The following AGPAT3 variants were observed in gnomAD, a reference collection of about 807,000 sequenced individuals.
The protein encoded by AGPAT3 is 1-acyl-sn-glycerol-3-phosphate acyltransferase gamma.
AGPAT3 carries 5 observed loss-of-function variants against 47.3 expected under a neutral mutation model. The observed-to-expected ratio is 0.11, with a 90% CI of 0.06 to 0.22. AGPAT3 has a LOEUF of 0.22. AGPAT3 is among the 10% of genes least tolerant of loss of function. The probability of loss-of-function intolerance (pLI) is 1.00; values close to 1 mark genes in which losing one functional copy is unlikely to be tolerated. For synonymous variants in AGPAT3, 212 were observed against 208.3 expected, an observed-to-expected ratio of 1.02 and a Z score of -0.15; for missense variants, 315 against 493.0, an observed-to-expected ratio of 0.64 and a Z score of 3.42.
intron 5 of AGPAT3, 77 bp downstream of exon 5, chr21:43,969,356 T>A: frequency 6.4e-7 from 1 of 1,571,648 alleles, no homozygotes; most frequent in South Asian, 1.2e-5. Context: ...GCTGCCCACA[T>A]CCCAGGCTGG....
chr21:43,883,241 G>A lies in AGPAT3; in HGVS notation c.-112+17896G>A, dbSNP rs559441320. Among the ~76,000 whole-genome samples, 17 of 152,210 alleles carry A rather than the reference G, an allele frequency of 1.1e-4. No homozygotes were observed. The South Asian group carries it at 2.9e-3, about 26-fold the overall frequency. On this transcript the variant is annotated intron_variant, in intron 1 of 9. Transcript: ENST00000291572. ...ACACCCTTCTCCTTGAGCCTCAAGGGCCTCATGGCCTGGACCTCCGTGATC... is the reference window on the plus strand; with the variant it reads ...ACACCCTTCTCCTTGAGCCTCAAGGACCTCATGGCCTGGACCTCCGTGATC...
At position 43,961,836 on chromosome 21, in the gene AGPAT3, G is replaced by A. The variant is rs115168529; in HGVS notation, c.178+1977G>A. Among the ~76,000 whole-genome samples, 675 of 152,184 alleles carry A rather than the reference G, an allele frequency of 4.4e-3. 3 individuals carry two copies. Among genetic ancestry groups the A allele is most frequent in the African/African-American group, 0.016 (653 of 41,498 alleles). Reference sequence around the variant, plus strand: ...GGCTGGCCTGTAACCTTGTCTGCACGATCTCCTTCCAGTTCAGGAGCCGGT... The same window carrying A: ...GGCTGGCCTGTAACCTTGTCTGCACAATCTCCTTCCAGTTCAGGAGCCGGT... On this transcript the variant is annotated intron_variant, in intron 3 of 9. Transcript: ENST00000291572.
chr21:43,972,660 C>T (rs1329066168), intron 7 of AGPAT3, among the ~76,000 whole-genome samples: 1 of 152,222 alleles, frequency 6.6e-6, no homozygotes, highest in African/African-American at 2.4e-5. Context: ...CGTTGCTGCC[C>T]TTGGACTCTC....
chr21:43,963,578 C>T (rs2088978981), intron 3 of AGPAT3, among the ~76,000 whole-genome samples: 1 of 151,888 alleles, frequency 6.6e-6, no homozygotes, highest in Non-Finnish European at 1.5e-5. Flanking sequence ...GGCCTGGTGG[C>T]ACATGTCTAA....
rs894015105 is a variant in AGPAT3 at position 43,872,274 on chromosome 21, G to A, written c.-112+6929G>A. Among the ~76,000 whole-genome samples the A allele has an allele frequency of 2.6e-5, 4 of 151,248 alleles. No homozygotes were observed. In the South Asian group the frequency reaches 8.4e-4, roughly 32 times the overall value. ...CAGTTCACTGCAACCTCTGCCTCCC[G>A]GGTTCAAGTGATTTTCCTGCTTCAG... is the stretch of plus-strand genomic sequence containing the variant. On this transcript the variant is annotated intron_variant, in intron 1 of 9. Transcript: ENST00000291572.
At chr21:43,921,791 T>TC (rs2086899728) in intron 2 of AGPAT3, among the ~76,000 whole-genome samples, 1 of 151,998 alleles carries the variant, frequency 6.6e-6, no homozygotes, top group Admixed American at 6.5e-5. Flanking sequence ...TTCTCTGAGC[T>TC]CTTTTTTTTT....
chr21:43,980,905 T>C (rs1208683249), intron 8 of AGPAT3, 84 bp from the exon 9 acceptor site: 1 of 1,364,146 alleles, frequency 7.3e-7, no homozygotes, highest in Non-Finnish European at 1.0e-6. Context: ...GAGTCGTTTT[T>C]CATTGCCAAC....
intron 1 of AGPAT3, among the ~76,000 whole-genome samples, chr21:43,889,046 A>AT (rs1037982419): frequency 3.3e-5 from 5 of 152,050 alleles, no homozygotes; most frequent in African/African-American, 1.2e-4. Context: ...ATTATTTCAG[A>AT]TTTTTAAACA....
chr21:43,969,860 G>C (rs1324052562), intron 5 of AGPAT3, among the ~76,000 whole-genome samples: 1 of 152,008 alleles, frequency 6.6e-6, no homozygotes, highest in African/African-American at 2.4e-5. Context: ...ACCACACCTG[G>C]CTAATTTTTT....
chr21:43,911,333 G>A (rs181284518), intron 2 of AGPAT3, among the ~76,000 whole-genome samples: 5 of 152,098 alleles, frequency 3.3e-5, no homozygotes, highest in East Asian at 4.0e-4. Context: ...ACTAGAACCC[G>A]AGTGTGCTTT....
At chr21:43,975,816 T>C (rs915470733) in intron 7 of AGPAT3, among the ~76,000 whole-genome samples, 1 of 152,194 alleles carries the variant, frequency 6.6e-6, no homozygotes, top group South Asian at 2.1e-4. Context: ...GCCCAGACAG[T>C]GCTCGGGGCA....
At chr21:43,890,813 C>T (rs2086087464) in intron 1 of AGPAT3, among the ~76,000 whole-genome samples, 1 of 151,780 alleles carries the variant, frequency 6.6e-6, no homozygotes, top group African/African-American at 2.4e-5. Flanking sequence ...TCTCACCTCA[C>T]TGCAACCTCT....
chr21:43,872,516 C>G (rs2085643915), intron 1 of AGPAT3, among the ~76,000 whole-genome samples: 1 of 152,154 alleles, frequency 6.6e-6, no homozygotes, highest in South Asian at 2.1e-4. Flanking sequence ...ATTTCTAAGT[C>G]TTTGCTGGTG....
Position 43,968,120 on chromosome 21 carries a change from G to T in AGPAT3, c.348+5G>T. The stretch of plus-strand genomic sequence containing the variant: ...GAGCGCTTCGGAGTGCTGGGGGTGA[G>T]CGGGGACCTGGGGAGGGCCACGGGT... On this transcript the variant is annotated splice_donor_5th_base_variant and intron_variant, in intron 4 of 9. Transcript: ENST00000291572. 6.2e-7 allele frequency: 1 copy of T among 1,613,076 alleles called. No homozygotes were observed. Among genetic ancestry groups the T allele is most frequent in the Non-Finnish European group, 8.5e-7 (1 of 1,179,688 alleles).
chr21:43,901,156 T>C (rs889332688), intron 1 of AGPAT3, among the ~76,000 whole-genome samples: 2 of 151,978 alleles, frequency 1.3e-5, no homozygotes, highest in African/African-American at 4.8e-5. Context: ...TGTGTTCTTT[T>C]GTTTGTTTTA....
At chr21:43,865,705 C>T (rs2085488863) in intron 1 of AGPAT3, among the ~76,000 whole-genome samples, 1 of 151,340 alleles carries the variant, frequency 6.6e-6, no homozygotes, top group Non-Finnish European at 1.5e-5. Context: ...CGGGCCGGGC[C>T]GAGGGAGGGC....
chr21:43,885,832 TGCGC>T (rs2085963303), intron 1 of AGPAT3, among the ~76,000 whole-genome samples: 5 of 78,636 alleles, frequency 6.4e-5, no homozygotes, highest in Admixed American at 1.8e-4. Context: ...GGTGTGCAGG[TGCGC>T]AGGTGCGCAG....
intron 2 of AGPAT3, among the ~76,000 whole-genome samples, chr21:43,938,458 A>G (rs925458847): frequency 2.0e-5 from 3 of 149,960 alleles, no homozygotes; most frequent in Non-Finnish European, 3.0e-5. Context: ...CAGGCATGCT[A>G]ATTTTTTGTA....
Position 43,955,936 on chromosome 21 carries a change from G to A in AGPAT3, c.-48-3698G>A, listed in dbSNP as rs972140869. On this transcript the variant is annotated intron_variant, in intron 2 of 9. Transcript: ENST00000291572. This position sits in a 1 kb window ranked among gnomAD's most constrained non-coding sequence, Gnocchi z 4.1. ...AAAAAATCAGATTCCTGTACTTTGC[G>A]CCGTAGCAACGGAATCAGCAGGTCT... 2.6e-5 allele frequency among the ~76,000 whole-genome samples: 4 copies of A among 151,720 alleles called. No homozygotes were observed. Among genetic ancestry groups the A allele is most frequent in the Admixed American group, 6.6e-5 (1 of 15,246 alleles).
Sources: gnomAD v4.1 joint callset for allele counts (sites outside exome capture counted in the v4.1 genomes callset) on GRCh38, gnomAD v4.1.1 for gene constraint, Gnocchi (gnomAD v3.1) non-coding constraint, MANE v1.5 for transcripts, NCBI Gene and HGNC (gene_info 2026-07-23, HGNC 2026-07-21) for gene names.